TBC1D4: variants seen among roughly 807,000 people sequenced by gnomAD.
The protein encoded by TBC1D4 is TBC1 domain family member 4.
Under a neutral mutation model 142.5 loss-of-function variants are expected in TBC1D4, and 121 were observed. That is an observed-to-expected ratio of 0.85 (90% confidence interval 0.73 to 0.99). The LOEUF is 0.99. TBC1D4 is among the 50% of genes least tolerant of loss of function. TBC1D4 has a pLI of 0.00. For synonymous variants in TBC1D4, 630 were observed against 628.2 expected, an observed-to-expected ratio of 1.00 and a Z score of -0.04; for missense variants, 1,475 against 1,606.6, an observed-to-expected ratio of 0.92 and a Z score of 1.40.
At chr13:75,348,551 T>A (rs970425779) in intron 5 of TBC1D4, among the ~76,000 whole-genome samples, 22 of 152,190 alleles carry the variant, frequency 1.4e-4, no homozygotes, top group African/African-American at 5.3e-4. Flanking sequence ...TTTGTGTTGT[T>A]GTTAGTAAGA....
Position 75,324,322 on chromosome 13 carries a change from C to T in TBC1D4, c.2113G>A (p.Ala705Thr), listed in dbSNP as rs746805947. 1 of 1,613,868 alleles carries T rather than the reference C, an allele frequency of 6.2e-7. No individual in the cohort carries two copies. The highest frequency in any genetic ancestry group is 1.3e-5 in the African/African-American group (1 of 75,000). The change falls in exon 11 of 21, where the codon GCC (alanine) becomes ACC (threonine). Residue 705 changes from alanine (A) to threonine (T), a missense_variant. By Grantham distance (58) the Ala-to-Thr change is moderately conservative (BLOSUM62 0). Transcript: ENST00000377636. ...AAAGAGGGGGCAGTGAAGGAAGGGG[C>T]AGAGAAGGAAGTGTGAAGACTTGGA... ...SLPSLHTSFS[A>T]PSFTAPSFLK...
chr13:75,468,006 ATTCATTCATT>A (rs1220534683), intron 1 of TBC1D4, among the ~76,000 whole-genome samples: 3 of 152,070 alleles, frequency 2.0e-5, no homozygotes, highest in Non-Finnish European at 4.4e-5. Flanking sequence ...TCTCCTCTCC[ATTCATTCATT>A]TCCCTTTTTG....
intron 1 of TBC1D4, among the ~76,000 whole-genome samples, chr13:75,374,457 T>C (rs1883390556): frequency 6.6e-6 from 1 of 152,136 alleles, no homozygotes; most frequent in Admixed American, 6.6e-5. Context: ...CAAGTAGAAT[T>C]TGTGACACTA....
Position 75,361,327 on chromosome 13 carries a change from T to A in TBC1D4, c.1080+699A>T, listed in dbSNP as rs1331945480. ...CTCTAGAAAAAAAGTCCCTTGTTTC[T>A]CCATGCCAAATCGCACTCTCTCAGA... On this transcript the variant is annotated intron_variant, in intron 2 of 20. Coordinates refer to ENST00000377636, the MANE Select transcript of TBC1D4 (RefSeq NM_014832.5). 2.0e-5 allele frequency among the ~76,000 whole-genome samples: 3 copies of A among 152,156 alleles called. No homozygotes were observed. The East Asian group carries it at 5.8e-4, about 29-fold the overall frequency.
chr13:75,361,466 C>A (rs1882499391), intron 2 of TBC1D4, among the ~76,000 whole-genome samples: 2 of 152,118 alleles, frequency 1.3e-5, no homozygotes, highest in African/African-American at 4.8e-5. Context: ...CTACAACCTC[C>A]GACTCCCCAG....
chr13:75,417,960 T>A (rs1885992380), intron 1 of TBC1D4, among the ~76,000 whole-genome samples: 1 of 152,182 alleles, frequency 6.6e-6, no homozygotes, highest in African/African-American at 2.4e-5. Context: ...CACCATAGGG[T>A]TGTTATTAAA....
intron 1 of TBC1D4, among the ~76,000 whole-genome samples, chr13:75,413,161 C>CA (rs1885750363): frequency 6.6e-6 from 1 of 151,938 alleles, no homozygotes; most frequent in Non-Finnish European, 1.5e-5. Flanking sequence ...ACTGAACAGC[C>CA]AAAAACTAAT....
intron 1 of TBC1D4, among the ~76,000 whole-genome samples, chr13:75,420,278 T>G (rs1330721672): frequency 6.6e-6 from 1 of 152,178 alleles, no homozygotes; most frequent in Non-Finnish European, 1.5e-5. Flanking sequence ...CAAGAAAAGT[T>G]GCAATGAATG....
intron 1 of TBC1D4, among the ~76,000 whole-genome samples, chr13:75,415,306 T>C (rs1170327693): frequency 3.9e-5 from 6 of 152,212 alleles, no homozygotes. Context: ...TGCTGGTGGC[T>C]GTTAAGCTAT....
rs1446709392 is a variant in TBC1D4, at chr13:75,481,686, G to T, written c.82C>A (p.Pro28Thr). The change falls in exon 1 of 21, where the codon CCC (proline) becomes ACC (threonine). Residue 28 changes from proline to threonine, a missense_variant. By Grantham distance (38) the Pro-to-Thr change is conservative (BLOSUM62 -1). Around this residue, in one of 2 missense-constraint regions of TBC1D4, gnomAD observed 1,227 missense variants for 1,267.7 expected, o/e 0.97. Transcript: ENST00000377636. ...PEPGVSAQPG[P>T]GKPSDKRFRL... ...AACCGCTTATCGCTTGGCTTCCCGG[G>T]GCCGGGCTGAGCTGAGACGCCCGGC... The T allele has an allele frequency of 6.2e-7, 1 of 1,600,854 alleles. No individual in the cohort carries two copies.
At chr13:75,304,907 A>T (rs1411733724) in intron 15 of TBC1D4, among the ~76,000 whole-genome samples, 3 of 152,022 alleles carry the variant, frequency 2.0e-5, no homozygotes, top group African/African-American at 4.8e-5. Context: ...AAGGAGAGAT[A>T]ACAAAATGAG....
intron 15 of TBC1D4, among the ~76,000 whole-genome samples, chr13:75,303,977 A>T (rs886298218): frequency 4.5e-4 from 69 of 152,170 alleles, no homozygotes; most frequent in Admixed American, 9.8e-4. Context: ...TCGAGATGTA[A>T]TCAGTCCCTT....
intron 1 of TBC1D4, among the ~76,000 whole-genome samples, chr13:75,400,046 C>T (rs1480248688): frequency 6.6e-6 from 1 of 152,202 alleles, no homozygotes; most frequent in South Asian, 2.1e-4. Context: ...CCAGCTCTTG[C>T]AGACACTATG....
At chr13:75,327,961 T>A in intron 8 of TBC1D4, 135 bp from the exon 9 acceptor site, 1 of 845,346 alleles carries the variant, frequency 1.2e-6, no homozygotes, top group East Asian at 2.6e-5. Context: ...ATTTGTTGGC[T>A]TTATTAATAG....
At chr13:75,395,278 C>T (rs978252609) in intron 1 of TBC1D4, among the ~76,000 whole-genome samples, 30 of 152,230 alleles carry the variant, frequency 2.0e-4, no homozygotes, top group African/African-American at 6.3e-4. Context: ...TCACCACAGA[C>T]GCCGTGCCTC....
chr13:75,424,170 G>T (rs1886279732), intron 1 of TBC1D4, among the ~76,000 whole-genome samples: 1 of 151,784 alleles, frequency 6.6e-6, no homozygotes, highest in South Asian at 2.1e-4. Flanking sequence ...TTACTCAGGA[G>T]GCTGAGGCAG....
chr13:75,289,148 T>C (rs1875000052), intron 19 of TBC1D4, 38 bp from the exon 20 acceptor site: 2 of 1,609,016 alleles, frequency 1.2e-6, no homozygotes, highest in Non-Finnish European at 1.7e-6. Context: ...TAGCCTTTGG[T>C]ATGTATAACA....
chr13:75,350,322 T>C (rs1261998740), intron 4 of TBC1D4, among the ~76,000 whole-genome samples: 1 of 152,208 alleles, frequency 6.6e-6, no homozygotes, highest in Non-Finnish European at 1.5e-5. Flanking sequence ...TTAAAGAATG[T>C]AATCTACTTC....
intron 1 of TBC1D4, among the ~76,000 whole-genome samples, chr13:75,409,975 C>T (rs542357950): frequency 2.0e-5 from 3 of 152,268 alleles, no homozygotes; most frequent in East Asian, 3.9e-4. Flanking sequence ...ATTTCCCCAG[C>T]TTTCAGATTT....
Sources: gnomAD v4.1 joint callset for allele counts (sites outside exome capture counted in the v4.1 genomes callset) on GRCh38, gnomAD v4.1.1 for gene constraint, gnomAD v4.1.1 regional missense constraint, MANE v1.5 for transcripts, NCBI Gene and HGNC (gene_info 2026-07-23, HGNC 2026-07-21) for gene names.